Variants in KLHL24 observed in about 807,000 individuals in gnomAD.
KLHL24 encodes the protein kelch like family member 24, also known as kelch-like protein 24.
KLHL24 carries 29 observed loss-of-function variants against 53.4 expected under a neutral mutation model. That is an observed-to-expected ratio of 0.54 (90% CI 0.40 to 0.74). KLHL24 has a LOEUF of 0.74. Ranked by LOEUF, KLHL24 falls within the 30% of genes least tolerant of loss-of-function variation. The pLI is 0.00. For synonymous variants in KLHL24, 222 were observed against 253.7 expected (o/e 0.88, Z 1.19); for missense variants, 504 against 744.0 (o/e 0.68, Z 3.75).
intron 5 of KLHL24, among the ~76,000 whole-genome samples, chr3:183,669,174 G>T (rs6794358): frequency 0.56 from 85,695 of 151,794 alleles, 26,859 homozygotes; most frequent in African/African-American, 0.86. Context: ...TAGATACTAT[G>T]ATTGTCTACA....
At chr3:183,673,079 C>T (rs1468056929) in intron 7 of KLHL24, 1 of 151,884 alleles carries the variant, frequency 6.6e-6, no homozygotes, top group African/African-American at 2.4e-5. Flanking sequence ...GTGGCACACG[C>T]CTGTAATCCC....
chr3:183,668,336 T>TTTGACAAAATAGTGTAC (rs1720865607), intron 5 of KLHL24, among the ~76,000 whole-genome samples: 1 of 152,006 alleles, frequency 6.6e-6, no homozygotes, highest in African/African-American at 2.4e-5. Context: ...CTCAAATTTA[T>TTTGACAAAATAGTGTAC]TTGACAAAAT....
At chr3:183,639,180 A>G (rs946895662) in intron 1 of KLHL24, among the ~76,000 whole-genome samples, 3 of 152,084 alleles carry the variant, frequency 2.0e-5, no homozygotes, top group Non-Finnish European at 4.4e-5. Flanking sequence ...GGCCTGGGCA[A>G]CAGGAGCAAA....
chr3:183,641,136 G>A (rs1716356170), intron 1 of KLHL24, among the ~76,000 whole-genome samples: 1 of 152,164 alleles, frequency 6.6e-6, no homozygotes, highest in African/African-American at 2.4e-5. Context: ...TATCTGAAAT[G>A]TATAAAAATT....
chr3:183,681,743 G>A lies in KLHL24; in HGVS notation c.*2457G>A, dbSNP rs191775124. Reference sequence around the variant, plus strand: ...TAATTCTTGATAAATAATAGCATTAGACTTGATAAAATAAAAAAGAATTTT... The same window carrying A: ...TAATTCTTGATAAATAATAGCATTAAACTTGATAAAATAAAAAAGAATTTT... On this transcript the variant is annotated 3_prime_UTR_variant, in exon 8 of 8. Transcript: ENST00000242810. 2 of 152,200 alleles carry A rather than the reference G, an allele frequency of 1.3e-5. No individual in the cohort carries two copies. Among genetic ancestry groups the A allele is most frequent in the Admixed American group, 6.6e-5 (1 of 15,236 alleles). 9.4% of individuals were successfully genotyped at this position (152,200 alleles called of 1,614,324 possible). A position where few individuals can be genotyped will look rare whatever the true frequency, so the allele number is the denominator to read the frequency against.
chr3:183,638,427 G>A (rs556033662), intron 1 of KLHL24, among the ~76,000 whole-genome samples: 1 of 142,994 alleles, frequency 7.0e-6, no homozygotes, highest in South Asian at 2.1e-4. Context: ...AATCAAATAA[G>A]TGACCACAGT....
At chr3:183,648,828 C>G (rs1457046863) in intron 2 of KLHL24, among the ~76,000 whole-genome samples, 1 of 152,068 alleles carries the variant, frequency 6.6e-6, no homozygotes, top group South Asian at 2.1e-4. Context: ...ATGGCAAAAC[C>G]CCTTCTCTAC....
intron 3 of KLHL24, 56 bp downstream of exon 3, chr3:183,651,332 C>A (rs1436288993): frequency 4.9e-6 from 6 of 1,217,076 alleles, no homozygotes; most frequent in Middle Eastern, 2.0e-4. Flanking sequence ...ATCTTTAAAC[C>A]TCCTGAATGC....
At chr3:183,647,674 A>G (rs910773814) in intron 2 of KLHL24, among the ~76,000 whole-genome samples, 17 of 151,476 alleles carry the variant, frequency 1.1e-4, no homozygotes, top group Non-Finnish European at 2.4e-4. Context: ...TGGCGCCACT[A>G]CACTCCAGCC....
rs537762430 is a variant in KLHL24, at chr3:183,663,785, C to T, written c.1105+143C>T. On this transcript the variant is annotated intron_variant, in intron 4 of 7. Transcript: ENST00000242810. This position sits in a 1 kb window ranked among gnomAD's most constrained non-coding sequence, Gnocchi z 4.9. The stretch of plus-strand genomic sequence containing the variant: ...TTACAACAAATAAAACCAAGAATGA[C>T]TTTTTGCTCTTAAAAACAGGTACAA... 7.8e-5 allele frequency: 40 copies of T among 513,572 alleles called. No homozygotes were observed. In the South Asian group the frequency reaches 1.9e-3, roughly 24 times the overall value. 31.8% of individuals were successfully genotyped at this position (513,572 alleles called of 1,614,324 possible).
At position 183,684,497 on chromosome 3, in the gene KLHL24, TATTAA is replaced by T. The variant is rs1713000248; in HGVS notation, c.*5215_*5219del. ...CCATTATTACTTGACTATATGGTTG[TATTAA>T]ATTTTGTTTACGAAAAATTTGTTGT... On this transcript the variant is annotated 3_prime_UTR_variant, in exon 8 of 8. Transcript: ENST00000242810. The T allele has an allele frequency of 6.6e-6, 1 of 152,656 alleles. No individual in the cohort carries two copies. Among genetic ancestry groups the T allele is most frequent in the South Asian group, 2.1e-4 (1 of 4,834 alleles). The allele number at this position is 152,656 out of a possible 1,614,324, so 9.5% of individuals were successfully genotyped here.
intron 1 of KLHL24, among the ~76,000 whole-genome samples, chr3:183,638,683 C>A (rs1048384986): frequency 6.6e-6 from 1 of 152,356 alleles, no homozygotes; most frequent in Non-Finnish European, 1.5e-5. Context: ...TGCCTGTCAT[C>A]CCAGCTACTC....
At chr3:183,649,439 A>G (rs966408727) in intron 2 of KLHL24, among the ~76,000 whole-genome samples, 3 of 151,622 alleles carry the variant, frequency 2.0e-5, no homozygotes, top group Non-Finnish European at 4.4e-5. Context: ...GGTTATTTTG[A>G]GTATTTTCTA....
chr3:183,637,538 C>T (rs1281737248), intron 1 of KLHL24, among the ~76,000 whole-genome samples: 7 of 152,168 alleles, frequency 4.6e-5, no homozygotes, highest in Non-Finnish European at 1.5e-5. Flanking sequence ...CATTTTTAGC[C>T]ATAGTGTGTT....
chr3:183,639,440 C>A (rs1715951085), intron 1 of KLHL24, among the ~76,000 whole-genome samples: 1 of 151,604 alleles, frequency 6.6e-6, no homozygotes, highest in Non-Finnish European at 1.5e-5. Flanking sequence ...ACCATCCTGG[C>A]TAACACGGAG....
At chr3:183,670,437 T>A (rs10937146) in intron 5 of KLHL24, among the ~76,000 whole-genome samples, 61,269 of 152,078 alleles carry the variant, frequency 0.4, 15,569 homozygotes, top group African/African-American at 0.73. Flanking sequence ...TACCTTTCTC[T>A]TATTTGTGAA....
chr3:183,637,105 A>T (rs1358837721), intron 1 of KLHL24, among the ~76,000 whole-genome samples: 1 of 152,146 alleles, frequency 6.6e-6, no homozygotes, highest in East Asian at 1.9e-4. Flanking sequence ...CCCCACGGTC[A>T]CCCCTGAGGC....
At chr3:183,643,689 A>G (rs546492191) in intron 2 of KLHL24, 147 bp downstream of exon 2, 1 of 152,366 alleles carries the variant, frequency 6.6e-6, no homozygotes, top group Admixed American at 6.5e-5. Flanking sequence ...CAGTGTGACA[A>G]TCATTTCTGT....
At chr3:183,678,555 G>T (rs1414907401) in intron 7 of KLHL24, among the ~76,000 whole-genome samples, 1 of 151,308 alleles carries the variant, frequency 6.6e-6, no homozygotes, top group Non-Finnish European at 1.5e-5. Flanking sequence ...AGGGGCACAA[G>T]TGCAGGTTTG....
Sources: allele counts gnomAD v4.1 joint callset (sites outside exome capture counted in the v4.1 genomes callset), GRCh38; gene constraint gnomAD v4.1.1; non-coding constraint Gnocchi (gnomAD v3.1); transcripts MANE v1.5; gene names NCBI Gene and HGNC (gene_info 2026-07-23, HGNC 2026-07-21).